The following SPMIP2 variants were observed in gnomAD, a reference collection of about 807,000 sequenced individuals.
The protein encoded by SPMIP2 is protein SPMIP2.
chr4:158,960,667 AT>A, the SPMIP2 span, among the ~76,000 whole-genome samples: 66 of 152,292 alleles, frequency 4.3e-4, no homozygotes, highest in Non-Finnish European at 8.8e-4. Flanking sequence ...ATAAGCGAGC[AT>A]TCTAAACTAC....
the SPMIP2 span, among the ~76,000 whole-genome samples, chr4:159,075,647 C>T: frequency 9.2e-5 from 14 of 152,152 alleles, 1 homozygote; most frequent in African/African-American, 3.4e-4. Context: ...ACAAAGCAAT[C>T]ATATCTGGTG....
chr4:158,992,708 T>C, the SPMIP2 span, among the ~76,000 whole-genome samples: 4 of 152,210 alleles, frequency 2.6e-5, no homozygotes, highest in Non-Finnish European at 5.9e-5. Context: ...GCTTCTAAGA[T>C]GGTGCCTTGT....
chr4:158,987,293 A>T, the SPMIP2 span, among the ~76,000 whole-genome samples: 1,439 of 152,286 alleles, frequency 9.4e-3, 12 homozygotes, highest in Middle Eastern at 0.048. Context: ...TATATACCCA[A>T]AGGATTATAA....
chr4:159,050,267 C>G, the SPMIP2 span, among the ~76,000 whole-genome samples: 1 of 143,894 alleles, frequency 6.9e-6, no homozygotes, highest in Non-Finnish European at 1.5e-5. Context: ...GAGAAGTGGA[C>G]AGGTGTGACT....
chr4:158,896,121 C>T, the SPMIP2 span, among the ~76,000 whole-genome samples: 1 of 152,158 alleles, frequency 6.6e-6, no homozygotes, highest in Non-Finnish European at 1.5e-5. Context: ...TGTGGATTAT[C>T]TTATGCTTGA....
At chr4:159,001,815 A>C in the SPMIP2 span, among the ~76,000 whole-genome samples, 1 of 152,206 alleles carries the variant, frequency 6.6e-6, no homozygotes, top group East Asian at 1.9e-4. Flanking sequence ...ATTTGTGTGC[A>C]CGTGTCTTTA....
At chr4:159,029,908 T>G in the SPMIP2 span, among the ~76,000 whole-genome samples, 1 of 152,272 alleles carries the variant, frequency 6.6e-6, no homozygotes, top group African/African-American at 2.4e-5. Context: ...TTCAAATATG[T>G]AGGATAAAAA....
At chr4:159,055,846 T>C in the SPMIP2 span, among the ~76,000 whole-genome samples, 39 of 152,252 alleles carry the variant, frequency 2.6e-4, no homozygotes, top group African/African-American at 9.1e-4. Flanking sequence ...ACTAGGGAAA[T>C]AGGGGGTCCT....
the SPMIP2 span, among the ~76,000 whole-genome samples, chr4:159,053,360 C>A: frequency 6.6e-6 from 1 of 152,054 alleles, no homozygotes; most frequent in Non-Finnish European, 1.5e-5. Flanking sequence ...CTTGATGCTC[C>A]CCCTTTTAAA....
At chr4:159,028,735 G>A in the SPMIP2 span, among the ~76,000 whole-genome samples, 2 of 152,162 alleles carry the variant, frequency 1.3e-5, no homozygotes, top group Non-Finnish European at 2.9e-5. Flanking sequence ...ATGCTCTAAA[G>A]TAGTTTTAAA....
At chr4:159,079,400 C>G in the SPMIP2 span, among the ~76,000 whole-genome samples, 5 of 152,192 alleles carry the variant, frequency 3.3e-5, no homozygotes, top group Non-Finnish European at 5.9e-5. Flanking sequence ...CTGATCCTCA[C>G]CAGACACCGA....
At chr4:159,034,478 T>TAGTATTTGTGAAATA in the SPMIP2 span, among the ~76,000 whole-genome samples, 1 of 152,222 alleles carries the variant, frequency 6.6e-6, no homozygotes, top group African/African-American at 2.4e-5. Context: ...ATTCAAATAT[T>TAGTATTTGTGAAATA]CCTTTGTGAA....
chr4:158,957,144 CCATAT>C, the SPMIP2 span, among the ~76,000 whole-genome samples: 1 of 152,102 alleles, frequency 6.6e-6, no homozygotes, highest in Non-Finnish European at 1.5e-5. Flanking sequence ...AATCCCTTCT[CCATAT>C]AACATTCCAA....
chr4:159,081,060 C>T, the SPMIP2 span, among the ~76,000 whole-genome samples: 6 of 119,956 alleles, frequency 5.0e-5, no homozygotes, highest in African/African-American at 9.7e-5. Flanking sequence ...TTTTTTGAGA[C>T]GGAGTCTCAC....
At chr4:159,058,271 G>T in the SPMIP2 span, among the ~76,000 whole-genome samples, 1 of 151,562 alleles carries the variant, frequency 6.6e-6, no homozygotes, top group Non-Finnish European at 1.5e-5. Context: ...ATGTCTGCAG[G>T]CAGAAGCAAC....
chr4:159,006,349 C>A, the SPMIP2 span, among the ~76,000 whole-genome samples: 1 of 152,168 alleles, frequency 6.6e-6, no homozygotes, highest in African/African-American at 2.4e-5. Context: ...TCTTAAGCAA[C>A]CATGTTTACG....
chr4:158,916,325 G>A, the SPMIP2 span, among the ~76,000 whole-genome samples: 28 of 152,280 alleles, frequency 1.8e-4, no homozygotes, highest in Admixed American at 1.8e-3. Context: ...GAAAATCTTG[G>A]GCATGCTATT....
chr4:158,980,465 C>T, the SPMIP2 span, among the ~76,000 whole-genome samples: 42,309 of 152,104 alleles, frequency 0.28, 6,441 homozygotes, highest in Middle Eastern at 0.34. Context: ...CCCTGGCTGG[C>T]ATCTGGCGGG....
the SPMIP2 span, among the ~76,000 whole-genome samples, chr4:159,041,102 A>C: frequency 1.3e-5 from 2 of 152,108 alleles, no homozygotes; most frequent in African/African-American, 4.8e-5. Context: ...TCATAACTTT[A>C]CTTTTTGTAT....
Sources: gnomAD v4.1 joint callset for allele counts (sites outside exome capture counted in the v4.1 genomes callset) on GRCh38, gnomAD v4.1.1 for gene constraint, MANE v1.5 for transcripts, NCBI Gene and HGNC (gene_info 2026-07-23, HGNC 2026-07-21) for gene names.